Variants in SLC9D1 observed in about 807,000 individuals in gnomAD.
SLC9D1 encodes the protein putative LAG1-interacting protein.
the SLC9D1 span, among the ~76,000 whole-genome samples, chr13:113,492,081 G>A: frequency 3.2e-4 from 48 of 152,242 alleles, no homozygotes; most frequent in Middle Eastern, 0.014. Context: ...CAAGGCTCAA[G>A]CGATTCTCCC....
the SLC9D1 span, among the ~76,000 whole-genome samples, chr13:113,493,586 G>A: frequency 1.3e-5 from 2 of 151,736 alleles, no homozygotes; most frequent in African/African-American, 4.8e-5. Flanking sequence ...ACTTAAAGTT[G>A]TATTGAAACT....
chr13:113,512,781 G>T, the SLC9D1 span, among the ~76,000 whole-genome samples: 1 of 127,220 alleles, frequency 7.9e-6, no homozygotes, highest in Non-Finnish European at 1.8e-5. Context: ...CCAGGTGCTG[G>T]GACTGGAAGG....
At chr13:113,520,824 T>A in the SLC9D1 span, 1 of 942,918 alleles carries the variant, frequency 1.1e-6, no homozygotes, top group Non-Finnish European at 1.7e-6. Context: ...AGAGATGTTC[T>A]GAGCTCAGAT....
chr13:113,501,778 C>A, the SLC9D1 span: 1 of 1,609,210 alleles, frequency 6.2e-7, no homozygotes, highest in Non-Finnish European at 8.5e-7. Context: ...GAATGCTGTC[C>A]TTGCCTTGTG....
chr13:113,509,115 G>A, the SLC9D1 span, among the ~76,000 whole-genome samples: 4,342 of 112,734 alleles, frequency 0.039, 177 homozygotes, highest in African/African-American at 0.084. Flanking sequence ...TGTTGGGGCT[G>A]GTGGGCTTGG....
At chr13:113,547,417 A>G in the SLC9D1 span, 4 of 1,533,088 alleles carry the variant, frequency 2.6e-6, no homozygotes, top group Non-Finnish European at 3.6e-6. Context: ...CGCAGTTTGC[A>G]GGCTCAGCAT....
chr13:113,496,390 T>C, the SLC9D1 span, among the ~76,000 whole-genome samples: 1 of 152,250 alleles, frequency 6.6e-6, no homozygotes, highest in Non-Finnish European at 1.5e-5. Context: ...CAACATTTGC[T>C]GAGTTTCTGA....
the SLC9D1 span, chr13:113,496,080 G>C: frequency 1.2e-5 from 15 of 1,215,896 alleles, no homozygotes; most frequent in East Asian, 2.5e-5. Flanking sequence ...GAGGTGAAGA[G>C]AGAGGGAGAG....
chr13:113,503,074 A>C, the SLC9D1 span, among the ~76,000 whole-genome samples: 214 of 152,344 alleles, frequency 1.4e-3, no homozygotes, highest in African/African-American at 5.1e-3. Flanking sequence ...CAAGTATAAA[A>C]CACCAGAGGT....
At chr13:113,518,798 C>G in the SLC9D1 span, among the ~76,000 whole-genome samples, 4 of 152,254 alleles carry the variant, frequency 2.6e-5, no homozygotes, top group Non-Finnish European at 5.9e-5. Flanking sequence ...AGGCACAAAG[C>G]TGTAGCCACA....
the SLC9D1 span, chr13:113,501,978 C>A: frequency 7.1e-6 from 7 of 979,482 alleles, no homozygotes; most frequent in Non-Finnish European, 1.1e-5. Context: ...AATGCAGATA[C>A]CAGCTTCGTA....
At chr13:113,539,925 G>T in the SLC9D1 span, among the ~76,000 whole-genome samples, 2 of 152,100 alleles carry the variant, frequency 1.3e-5, no homozygotes, top group Admixed American at 1.3e-4. The surrounding 1 kb of genome is among the most constrained non-coding windows in gnomAD (Gnocchi z 4.8). Flanking sequence ...TTGTGTCCAC[G>T]TGTACTCGGT....
At chr13:113,527,292 C>G in the SLC9D1 span, 6 of 152,204 alleles carry the variant, frequency 3.9e-5, no homozygotes, top group Non-Finnish European at 5.9e-5. Context: ...TTCTGATGTT[C>G]CCATCTATCT....
chr13:113,531,336 C>T, the SLC9D1 span, among the ~76,000 whole-genome samples: 4 of 152,228 alleles, frequency 2.6e-5, no homozygotes, highest in Admixed American at 6.5e-5. Context: ...CTCACCTGTC[C>T]GCAGGTCAGA....
chr13:113,550,047 CAA>C, the SLC9D1 span: 1 of 205,104 alleles, frequency 4.9e-6, no homozygotes, highest in East Asian at 1.4e-4. Flanking sequence ...TAAAATGAGA[CAA>C]ATACGGATGT....
At chr13:113,514,682 G>A in the SLC9D1 span, among the ~76,000 whole-genome samples, 2 of 150,620 alleles carry the variant, frequency 1.3e-5, no homozygotes, top group Non-Finnish European at 2.9e-5. Flanking sequence ...CGGGGTGCAG[G>A]CTGATGGGAC....
chr13:113,495,388 G>A, the SLC9D1 span: 1,320 of 509,400 alleles, frequency 2.6e-3, 4 homozygotes, highest in Middle Eastern at 0.024. Context: ...ATTTATCTAG[G>A]AAAAATGAGA....
chr13:113,494,460 T>A, the SLC9D1 span, among the ~76,000 whole-genome samples: 1 of 152,174 alleles, frequency 6.6e-6, no homozygotes, highest in Non-Finnish European at 1.5e-5. Context: ...CATCACCACC[T>A]GGACACCACG....
At chr13:113,547,276 A>G in the SLC9D1 span, 4 of 1,600,296 alleles carry the variant, frequency 2.5e-6, no homozygotes, top group Admixed American at 6.7e-5. Context: ...TGCGGTCGTA[A>G]CGTGTCTGTC....
Sources: allele counts gnomAD v4.1 joint callset (sites outside exome capture counted in the v4.1 genomes callset), GRCh38; gene constraint gnomAD v4.1.1; non-coding constraint Gnocchi (gnomAD v3.1); transcripts MANE v1.5; gene names NCBI Gene and HGNC (gene_info 2026-07-23, HGNC 2026-07-21).